PCGF5: variants seen among roughly 807,000 people sequenced by gnomAD.
PCGF5 encodes the protein polycomb group RING finger protein 5.
PCGF5 carries 9 observed loss-of-function variants against 44.3 expected under a neutral mutation model. The ratio of observed to expected loss-of-function variants is 0.20; its 90% confidence interval spans 0.12 to 0.35. The LOEUF is 0.35. PCGF5 is among the 10% of genes least tolerant of loss of function. The pLI, the probability that PCGF5 is intolerant of heterozygous loss-of-function variation, is 1.00. For synonymous variants in PCGF5, 95 were observed against 102.5 expected, an observed-to-expected ratio of 0.93 and a Z score of 0.44; for missense variants, 146 against 305.3, an observed-to-expected ratio of 0.48 and a Z score of 3.89.
At chr10:91,209,119 G>A (rs1408338830) in intron 1 of PCGF5, among the ~76,000 whole-genome samples, 1 of 152,116 alleles carries the variant, frequency 6.6e-6, no homozygotes, top group Non-Finnish European at 1.5e-5. Context: ...ATAGTATTTT[G>A]TGTTGCTTAG....
Position 91,281,223 on chromosome 10 carries a change from G to T in PCGF5, c.*2907G>T, listed in dbSNP as rs976521894. The T allele has an allele frequency of 3.3e-5, 5 of 152,356 alleles. No homozygotes were observed. Among genetic ancestry groups the T allele is most frequent in the African/African-American group, 7.2e-5 (3 of 41,430 alleles). The allele number at this position is 152,356 out of a possible 1,614,324, so 9.4% of individuals were successfully genotyped here. On this transcript the variant is annotated 3_prime_UTR_variant, in exon 10 of 10. Transcript: ENST00000336126. The stretch of plus-strand genomic sequence containing the variant: ...AGGTAATACTCAGTCTGGAGTACAG[G>T]TAACTTGGGTAATGCCTTTTAACTA...
chr10:91,244,681 G>T (rs535445507), intron 3 of PCGF5, among the ~76,000 whole-genome samples: 2 of 152,040 alleles, frequency 1.3e-5, no homozygotes, highest in South Asian at 4.2e-4. Flanking sequence ...AGCAGTAGAG[G>T]GGACAAGAAA....
the PCGF5 span, among the ~76,000 whole-genome samples, chr10:91,156,339 A>G: frequency 6.6e-6 from 1 of 152,218 alleles, no homozygotes; most frequent in Non-Finnish European, 1.5e-5. Flanking sequence ...AGATGGTTAG[A>G]TAAGACCATT....
At chr10:91,238,616 T>TCTTTCTTTCTTTCTTTC (rs1564645053) in intron 2 of PCGF5, among the ~76,000 whole-genome samples, 5 of 136,184 alleles carry the variant, frequency 3.7e-5, no homozygotes, top group African/African-American at 1.1e-4. Flanking sequence ...TTTTTTTTTT[T>TCTTTCTTTCTTTCTTTC]TTTTTTTTTT....
intron 2 of PCGF5, among the ~76,000 whole-genome samples, chr10:91,234,227 T>A (rs532549214): frequency 6.6e-6 from 1 of 152,296 alleles, no homozygotes; most frequent in East Asian, 1.9e-4. Context: ...AGAGAGGGTA[T>A]ATGCAAAGGA....
Position 91,280,753 on chromosome 10 carries a change from T to C in PCGF5, c.*2437T>C, listed in dbSNP as rs1846434714. ...GTAATACACTGTATTCCCCGTTAATTATCCCTTAAGTCAGATTGTAGAATT... is the reference window on the plus strand; with the variant it reads ...GTAATACACTGTATTCCCCGTTAATCATCCCTTAAGTCAGATTGTAGAATT... On this transcript the variant is annotated 3_prime_UTR_variant, in exon 10 of 10. Transcript: ENST00000336126. The C allele has an allele frequency of 6.6e-6, 1 of 152,256 alleles. No individual in the cohort carries two copies. 9.4% of individuals were successfully genotyped at this position (152,256 alleles called of 1,614,324 possible). A position where few individuals can be genotyped will look rare whatever the true frequency, so the allele number is the denominator to read the frequency against.
At position 91,269,464 on chromosome 10, in the gene PCGF5, TTAA is replaced by T. The variant is rs1846124949; in HGVS notation, c.664-2167_664-2165del. Among the ~76,000 whole-genome samples, 6 of 152,218 alleles carry T rather than the reference TTAA, an allele frequency of 3.9e-5. No individual in the cohort carries two copies. The South Asian group carries it at 1.2e-3, about 32-fold the overall frequency. On this transcript the variant is annotated intron_variant, in intron 8 of 9. Transcript: ENST00000336126. ...AAACTTTGAAACAATTTTTAATACA[TTAA>T]TAATAACTCCTTTTGTGGCTGTAGC...
At chr10:91,210,515 G>A (rs1203876658) in intron 1 of PCGF5, among the ~76,000 whole-genome samples, 1 of 152,182 alleles carries the variant, frequency 6.6e-6, no homozygotes, top group Non-Finnish European at 1.5e-5. Context: ...GGCTTAGCTT[G>A]GTAAGAGATC....
intron 1 of PCGF5, among the ~76,000 whole-genome samples, chr10:91,179,126 A>G (rs1843771629): frequency 6.6e-6 from 1 of 152,196 alleles, no homozygotes; most frequent in Non-Finnish European, 1.5e-5. Flanking sequence ...CTTGCTTCCT[A>G]AACATCTTTT....
At chr10:91,256,346 AAAAG>A (rs1194786422) in intron 6 of PCGF5, among the ~76,000 whole-genome samples, 1 of 152,060 alleles carries the variant, frequency 6.6e-6, no homozygotes, top group East Asian at 1.9e-4. Context: ...GAGCCAAAGA[AAAAG>A]AACCTGTAAA....
chr10:91,167,402 T>A (rs542168176), intron 1 of PCGF5, among the ~76,000 whole-genome samples: 1 of 152,256 alleles, frequency 6.6e-6, no homozygotes, highest in African/African-American at 2.4e-5. Flanking sequence ...AGAAAATACT[T>A]TGTGAATTCA....
chr10:91,199,951 T>C (rs896509194), intron 1 of PCGF5, among the ~76,000 whole-genome samples: 6 of 152,166 alleles, frequency 3.9e-5, no homozygotes, highest in Non-Finnish European at 8.8e-5. Context: ...GGGTATAGTT[T>C]CAAGAGAATT....
chr10:91,225,254 C>T (rs1020949770), intron 2 of PCGF5, among the ~76,000 whole-genome samples: 8 of 144,058 alleles, frequency 5.6e-5, no homozygotes, highest in African/African-American at 2.0e-4. Context: ...TGATATATAT[C>T]GTATATATGT....
At chr10:91,201,849 G>T (rs1844257396) in intron 1 of PCGF5, among the ~76,000 whole-genome samples, 1 of 151,810 alleles carries the variant, frequency 6.6e-6, no homozygotes, top group African/African-American at 2.4e-5. Flanking sequence ...TGATCATAGT[G>T]ATGAACATTT....
chr10:91,157,621 G>A, the PCGF5 span, among the ~76,000 whole-genome samples: 1 of 152,162 alleles, frequency 6.6e-6, no homozygotes, highest in Non-Finnish European at 1.5e-5. Context: ...GGAAGTAGAG[G>A]CCTAAAGAGA....
At chr10:91,163,562 C>G (rs1387839358) in intron 1 of PCGF5, among the ~76,000 whole-genome samples, 1 of 152,092 alleles carries the variant, frequency 6.6e-6, no homozygotes, top group Admixed American at 6.5e-5. Flanking sequence ...CGGGCCCTTC[C>G]CCCGCCGGCA....
chr10:91,248,366 C>T, intron 3 of PCGF5, 139 bp from the exon 4 acceptor site: 1 of 779,734 alleles, frequency 1.3e-6, no homozygotes, highest in South Asian at 1.7e-5. Context: ...GTTCCATGGA[C>T]AGAAGAGTAT....
chr10:91,262,030 A>G (rs997272860), intron 7 of PCGF5, among the ~76,000 whole-genome samples: 2 of 152,226 alleles, frequency 1.3e-5, no homozygotes, highest in Non-Finnish European at 2.9e-5. Flanking sequence ...TATAACTAAA[A>G]CATAGTAAGG....
At chr10:91,161,967 A>G (rs1352424630), upstream of PCGF5, among the ~76,000 whole-genome samples, 3 of 151,924 alleles carry the variant, frequency 2.0e-5, no homozygotes, top group Non-Finnish European at 4.4e-5. Flanking sequence ...GCCAGCCACA[A>G]GGGGGGATTC....
Sources: allele counts gnomAD v4.1 joint callset (sites outside exome capture counted in the v4.1 genomes callset), GRCh38; gene constraint gnomAD v4.1.1; transcripts MANE v1.5; gene names NCBI Gene and HGNC (gene_info 2026-07-23, HGNC 2026-07-21).